Variants in MTUS2 observed in about 807,000 individuals in gnomAD.
MTUS2 encodes the protein microtubule-associated tumor suppressor candidate 2.
Under a neutral mutation model 114.1 loss-of-function variants are expected in MTUS2, and 40 were observed. That is an observed-to-expected ratio of 0.35 (90% confidence interval 0.27 to 0.46). The LOEUF (loss-of-function observed/expected upper bound fraction) is 0.46, where lower values mean the gene tolerates loss of function less well. Ranked by LOEUF, MTUS2 falls within the 20% of genes least tolerant of loss-of-function variation. The probability of loss-of-function intolerance (pLI) is 1.00; values close to 1 mark genes in which losing one functional copy is unlikely to be tolerated. For missense variants in MTUS2, 1,679 were observed against 1,705.4 expected (o/e 0.98, Z 0.27); for synonymous variants, 688 against 672.0 (o/e 1.02, Z -0.37).
At chr13:29,312,920 A>G (rs1357563906) in intron 6 of MTUS2, among the ~76,000 whole-genome samples, 1 of 152,248 alleles carries the variant, frequency 6.6e-6, no homozygotes, top group African/African-American at 2.4e-5. Flanking sequence ...AAAGATAAAA[A>G]GCTATTTCAA....
chr13:29,492,064 T>C (rs1882178404), intron 11 of MTUS2, among the ~76,000 whole-genome samples: 1 of 145,568 alleles, frequency 6.9e-6, no homozygotes, highest in Admixed American at 6.8e-5. Context: ...GTGGTAGGTG[T>C]GTATGTGTGC....
chr13:28,907,972 T>G (rs79079265), intron 2 of MTUS2, among the ~76,000 whole-genome samples: 1,691 of 151,614 alleles, frequency 0.011, 65 homozygotes, highest in African/African-American at 0.039. Flanking sequence ...GTTATTTATC[T>G]TTGGCTGCTT....
intron 2 of MTUS2, among the ~76,000 whole-genome samples, chr13:28,879,468 C>T (rs964371461): frequency 6.6e-6 from 1 of 152,000 alleles, no homozygotes; most frequent in African/African-American, 2.4e-5. Context: ...TGGGGGGGCT[C>T]CATTTTACTT....
intron 5 of MTUS2, among the ~76,000 whole-genome samples, chr13:29,232,320 A>ACG (rs1896364199): frequency 9.8e-6 from 1 of 101,666 alleles, no homozygotes; most frequent in Non-Finnish European, 2.3e-5. Context: ...ACACACACAC[A>ACG]CACGCACACA....
intron 5 of MTUS2, among the ~76,000 whole-genome samples, chr13:29,194,039 A>G (rs1250156860): frequency 2.0e-5 from 3 of 151,364 alleles, no homozygotes; most frequent in Non-Finnish European, 3.0e-5. Flanking sequence ...CTGGCTAGCC[A>G]TATGTAGAAA....
At chr13:29,497,692 C>T in intron 13 of MTUS2, 1 of 258,618 alleles carries the variant, frequency 3.9e-6, no homozygotes, top group South Asian at 7.1e-5. Flanking sequence ...CATGGGGCAG[C>T]CTTGGCTGCA....
intron 2 of MTUS2, among the ~76,000 whole-genome samples, chr13:28,917,083 C>T (rs570612156): frequency 9.9e-5 from 15 of 151,614 alleles, no homozygotes; most frequent in African/African-American, 2.9e-4. Flanking sequence ...TCACTTAGGT[C>T]GAACCATCCT....
At position 29,119,028 on chromosome 13, in the gene MTUS2, T is replaced by C. The variant is rs180851503; in HGVS notation, c.2644+18058T>C. On this transcript the variant is annotated intron_variant, in intron 5 of 15. Coordinates refer to ENST00000612955, the MANE Select transcript of MTUS2 (RefSeq NM_001033602.4). ...GAAACTCTAAGGAAAAGGCTCCTAATATTTCTTGTACGTTTTTCTCTGATC... is the reference window on the plus strand; with the variant it reads ...GAAACTCTAAGGAAAAGGCTCCTAACATTTCTTGTACGTTTTTCTCTGATC... Among the ~76,000 whole-genome samples the C allele has an allele frequency of 1.2e-3, 176 of 152,282 alleles. 1 individual carries two copies. The highest frequency in any genetic ancestry group is 1.9e-4 in the Non-Finnish European group (13 of 68,016).
intron 8 of MTUS2, among the ~76,000 whole-genome samples, chr13:29,379,317 G>C (rs2138354074): frequency 6.6e-6 from 1 of 152,264 alleles, no homozygotes; most frequent in Admixed American, 6.5e-5. Context: ...TGAGTCTCCT[G>C]GAAGACTCAG....
In MTUS2 at chr13:28,830,815, T is replaced by G. The variant is rs536251569; in HGVS notation, c.-315-8963T>G. On this transcript the variant is annotated intron_variant, in intron 1 of 15. Transcript: ENST00000612955. ...ATGTACAGAGGATCTTCAATAAGAT[T>G]AACAGCTGACTTCTCATCAGAAACT... Among the ~76,000 whole-genome samples, 3 of 152,262 alleles carry G rather than the reference T, an allele frequency of 2.0e-5. No homozygotes were observed. The East Asian group carries it at 5.8e-4, about 29-fold the overall frequency.
At chr13:28,853,858 A>G (rs981468139) in intron 2 of MTUS2, among the ~76,000 whole-genome samples, 3 of 152,244 alleles carry the variant, frequency 2.0e-5, no homozygotes, top group African/African-American at 7.2e-5. Flanking sequence ...CAAGATCATC[A>G]AGAAGATTAT....
intron 2 of MTUS2, among the ~76,000 whole-genome samples, chr13:28,912,106 G>A (rs1196287527): frequency 4.6e-5 from 7 of 151,846 alleles, no homozygotes; most frequent in Non-Finnish European, 7.4e-5. Context: ...GTATTTTCTA[G>A]GTTTTCTTCC....
At chr13:28,960,543 A>G (rs1378371324) in intron 2 of MTUS2, among the ~76,000 whole-genome samples, 2 of 152,242 alleles carry the variant, frequency 1.3e-5, no homozygotes, top group African/African-American at 4.8e-5. Flanking sequence ...GTATTCATTC[A>G]TACTATAACA....
At chr13:29,161,781 C>A (rs1893108372) in intron 5 of MTUS2, among the ~76,000 whole-genome samples, 1 of 152,234 alleles carries the variant, frequency 6.6e-6, no homozygotes, top group African/African-American at 2.4e-5. Context: ...TAGCAGCATC[C>A]TCTGTCATGG....
chr13:28,869,202 T>C (rs1877476314), intron 2 of MTUS2, among the ~76,000 whole-genome samples: 1 of 152,188 alleles, frequency 6.6e-6, no homozygotes, highest in Non-Finnish European at 1.5e-5. Context: ...TGGACCTAGC[T>C]CTTTTAACCT....
chr13:28,991,367 A>ATTT (rs34590167), intron 2 of MTUS2, among the ~76,000 whole-genome samples: 6 of 125,484 alleles, frequency 4.8e-5, no homozygotes, highest in Admixed American at 1.7e-4. Flanking sequence ...TGTCTCTTCA[A>ATTT]TTTTTTTTTT....
intron 10 of MTUS2, among the ~76,000 whole-genome samples, chr13:29,481,477 G>T (rs1881169868): frequency 6.6e-6 from 1 of 151,944 alleles, no homozygotes; most frequent in Admixed American, 6.6e-5. Context: ...GCTTTATATA[G>T]TGTGCTTATG....
chr13:29,389,454 CGTGT>C lies in MTUS2; in HGVS notation c.3117+29986_3117+29989del, dbSNP rs1415339502. 8.5e-5 allele frequency among the ~76,000 whole-genome samples: 8 copies of C among 94,560 alleles called. 2 individuals are homozygous for C. The highest frequency in any genetic ancestry group is 2.9e-4 in the African/African-American group (8 of 27,298). 62.0% of individuals were successfully genotyped at this position (94,560 alleles called of 152,430 possible). A position where few individuals can be genotyped will look rare whatever the true frequency, so the allele number is the denominator to read the frequency against. The stretch of plus-strand genomic sequence containing the variant: ...ACGTGTGTGTATGTGTATGTATACA[CGTGT>C]GTGTATGTGTATATGTATACACGTG... On this transcript the variant is annotated intron_variant, in intron 8 of 15. Transcript: ENST00000612955.
At chr13:29,066,802 T>G (rs1284671412) in intron 4 of MTUS2, among the ~76,000 whole-genome samples, 1 of 152,260 alleles carries the variant, frequency 6.6e-6, no homozygotes, top group Admixed American at 6.5e-5. Flanking sequence ...TAGGAAGAGA[T>G]GAATACTTGA....
Sources: gnomAD v4.1 joint callset for allele counts (sites outside exome capture counted in the v4.1 genomes callset) on GRCh38, gnomAD v4.1.1 for gene constraint, MANE v1.5 for transcripts, NCBI Gene and HGNC (gene_info 2026-07-23, HGNC 2026-07-21) for gene names.